Variants in PUM1 observed in about 807,000 individuals in gnomAD.
The protein encoded by PUM1 is pumilio homolog 1.
A neutral mutation model predicts 131.8 loss-of-function variants in PUM1; 13 were observed. That is an observed-to-expected ratio of 0.10 (90% confidence interval 0.06 to 0.16). The LOEUF (loss-of-function observed/expected upper bound fraction) is 0.16. Among genes scored for constraint, PUM1 ranks in the 10% least tolerant of loss-of-function variants. The pLI, the probability that PUM1 is intolerant of heterozygous loss-of-function variation, is 1.00. For synonymous variants in PUM1, 509 were observed against 556.5 expected, an observed-to-expected ratio of 0.91 and a Z score of 1.20; for missense variants, 961 against 1,512.4, an observed-to-expected ratio of 0.64 and a Z score of 6.05.
intron 14 of PUM1, among the ~76,000 whole-genome samples, chr1:30,961,963 G>C (rs1041790120): frequency 1.6e-4 from 24 of 152,174 alleles, no homozygotes; most frequent in African/African-American, 5.8e-4. Context: ...GGGCCAGAAA[G>C]AAATGTTATG....
intron 2 of PUM1, among the ~76,000 whole-genome samples, chr1:31,053,308 C>T (rs1160431812): frequency 6.8e-6 from 1 of 147,782 alleles, no homozygotes; most frequent in African/African-American, 2.5e-5. Flanking sequence ...TCCACATTAT[C>T]TTAATTGTAT....
At chr1:30,936,856 G>A (rs1639228435) in intron 20 of PUM1, 21 bp from the exon 21 acceptor site, 1 of 1,572,238 alleles carries the variant, frequency 6.4e-7, no homozygotes, top group South Asian at 1.1e-5. Context: ...ATAAAACCAG[G>A]GACAACTCTT....
chr1:31,034,238 CT>C (rs541087467), intron 2 of PUM1, among the ~76,000 whole-genome samples: 1 of 152,306 alleles, frequency 6.6e-6, no homozygotes, highest in South Asian at 2.1e-4. Flanking sequence ...ATGAACGTCC[CT>C]TTACTGGAGC....
chr1:31,045,535 G>A (rs1026985954), intron 2 of PUM1, among the ~76,000 whole-genome samples: 8 of 152,158 alleles, frequency 5.3e-5, no homozygotes, highest in African/African-American at 1.9e-4. Context: ...GACTGCTGGA[G>A]GCCAGAAGTT....
chr1:31,000,213 T>C (rs1481941507), intron 5 of PUM1, among the ~76,000 whole-genome samples: 1 of 152,228 alleles, frequency 6.6e-6, no homozygotes, highest in African/African-American at 2.4e-5. Flanking sequence ...TTATATATTA[T>C]CAAGTACATA....
chr1:30,935,239 C>T (rs1462911895), intron 21 of PUM1, among the ~76,000 whole-genome samples: 1 of 152,194 alleles, frequency 6.6e-6, no homozygotes, highest in African/African-American at 2.4e-5. Flanking sequence ...TCTTCAGATA[C>T]AACACGGTCT....
intron 3 of PUM1, among the ~76,000 whole-genome samples, chr1:31,009,261 A>G (rs2124513954): frequency 6.6e-6 from 1 of 152,204 alleles, no homozygotes; most frequent in Non-Finnish European, 1.5e-5. Flanking sequence ...TCCAATTAAA[A>G]TTCTGATTTT....
intron 7 of PUM1, among the ~76,000 whole-genome samples, chr1:30,987,353 C>T (rs550643831): frequency 8.5e-5 from 13 of 152,054 alleles, no homozygotes; most frequent in African/African-American, 2.7e-4. Context: ...TGTGCTACCA[C>T]GCCCGGCTAA....
At chr1:31,027,040 C>T (rs2124544111) in intron 3 of PUM1, among the ~76,000 whole-genome samples, 1 of 151,804 alleles carries the variant, frequency 6.6e-6, no homozygotes, top group East Asian at 1.9e-4. Context: ...ACTTTACCCT[C>T]TACTGAAATT....
chr1:30,983,446 A>G (rs969151903), intron 7 of PUM1, among the ~76,000 whole-genome samples: 1 of 152,096 alleles, frequency 6.6e-6, no homozygotes, highest in Non-Finnish European at 1.5e-5. Context: ...CATTCAACAG[A>G]TGTTTTTCGA....
chr1:31,059,260 A>G lies in PUM1; in HGVS notation c.307T>C (p.Tyr103His). 1 of 1,612,796 alleles carries G rather than the reference A, an allele frequency of 6.2e-7. No individual in the cohort carries two copies. Among genetic ancestry groups the G allele is most frequent in the Non-Finnish European group, 8.5e-7 (1 of 1,179,464 alleles). The part of the protein sequence containing the change: ...LGGGGSGGGG[Y>H]NNSKHRWPTG... ...GGCCATCGATGTTTGCTATTATTAT[A>G]GCCGCCTCCTCCACTTCCTCCTCCC... Residue 103 changes from tyrosine to histidine, a missense_variant, in exon 2 of 22, where the codon TAT becomes CAT. By Grantham distance (83) the Tyr-to-His change is moderately conservative (BLOSUM62 2). Coordinates refer to ENST00000426105, the MANE Select transcript of PUM1 (RefSeq NM_001020658.2).
intron 14 of PUM1, among the ~76,000 whole-genome samples, chr1:30,955,090 C>CA (rs112549725): frequency 3.0e-4 from 44 of 147,336 alleles, no homozygotes; most frequent in Admixed American, 5.4e-4. Context: ...AACAAACAAA[C>CA]AAAAAAAAAC....
At chr1:30,975,115 CAA>C (rs1349180604) in intron 9 of PUM1, among the ~76,000 whole-genome samples, 1 of 152,066 alleles carries the variant, frequency 6.6e-6, no homozygotes, top group African/African-American at 2.4e-5. Context: ...AGCATAGAGA[CAA>C]TATCTGTTGG....
intron 2 of PUM1, among the ~76,000 whole-genome samples, chr1:31,047,619 ATACAGAAAG>A (rs1405210312): frequency 3.3e-5 from 5 of 152,352 alleles, no homozygotes; most frequent in South Asian, 4.1e-4. Flanking sequence ...TCTTCTGAAA[ATACAGAAAG>A]GTGTCATGAA....
At chr1:30,974,570 C>G (rs1472797304) in intron 10 of PUM1, 81 bp downstream of exon 10, 1 of 1,361,996 alleles carries the variant, frequency 7.3e-7, no homozygotes, top group African/African-American at 1.5e-5. Context: ...CAGTGTTTTT[C>G]TATTAGGCGC....
At chr1:31,012,686 T>G (rs1208696825) in intron 3 of PUM1, among the ~76,000 whole-genome samples, 1 of 152,056 alleles carries the variant, frequency 6.6e-6, no homozygotes, top group Non-Finnish European at 1.5e-5. Context: ...TGGAAACACC[T>G]TTTTTCCTTT....
At chr1:31,006,566 G>A (rs963897395) in intron 4 of PUM1, among the ~76,000 whole-genome samples, 5 of 152,182 alleles carry the variant, frequency 3.3e-5, no homozygotes, top group Middle Eastern at 3.2e-3. Flanking sequence ...TAGTATGCCA[G>A]AAGAATGTCC....
intron 2 of PUM1, among the ~76,000 whole-genome samples, chr1:31,044,273 C>T (rs1330362822): frequency 6.6e-6 from 1 of 151,966 alleles, no homozygotes; most frequent in Non-Finnish European, 1.5e-5. Flanking sequence ...AGGTGGCGGG[C>T]GCCTGTAGTC....
chr1:31,015,407 T>C (rs1372410545), intron 3 of PUM1, among the ~76,000 whole-genome samples: 1 of 152,070 alleles, frequency 6.6e-6, no homozygotes, highest in Non-Finnish European at 1.5e-5. Flanking sequence ...AGTGGCATGA[T>C]CTCGGCTCAC....
Sources: gnomAD v4.1 joint callset for allele counts (sites outside exome capture counted in the v4.1 genomes callset) on GRCh38, gnomAD v4.1.1 for gene constraint, MANE v1.5 for transcripts, NCBI Gene and HGNC (gene_info 2026-07-23, HGNC 2026-07-21) for gene names.